OTUD7A: variants seen among roughly 807,000 people sequenced by gnomAD.
OTUD7A encodes OTU deubiquitinase 7A.
A neutral mutation model predicts 65.7 loss-of-function variants in OTUD7A; 12 were observed. That is an observed-to-expected ratio of 0.18 (90% CI 0.12 to 0.30). The LOEUF is 0.30. OTUD7A is among the 10% of genes least tolerant of loss of function. The pLI is 1.00. For missense variants in OTUD7A, 1,148 were observed against 1,304.8 expected (o/e 0.88, Z 1.85); for synonymous variants, 641 against 586.3 (o/e 1.09, Z -1.35).
intron 1 of OTUD7A, among the ~76,000 whole-genome samples, chr15:31,667,657 TGC>T (rs1312013656): frequency 3.9e-5 from 6 of 152,240 alleles, no homozygotes; most frequent in Non-Finnish European, 7.3e-5. Flanking sequence ...GAGGTACCAT[TGC>T]ATTCATTGTG....
intron 3 of OTUD7A, among the ~76,000 whole-genome samples, chr15:31,631,735 G>A (rs540145911): frequency 4.3e-4 from 65 of 152,258 alleles, no homozygotes; most frequent in African/African-American, 1.2e-3. Context: ...CCAATCAGAC[G>A]TAAATTTGGT....
At chr15:31,614,111 A>C (rs972285867) in intron 3 of OTUD7A, among the ~76,000 whole-genome samples, 2 of 152,184 alleles carry the variant, frequency 1.3e-5, no homozygotes, top group African/African-American at 2.4e-5. Context: ...GAGGACACAA[A>C]GGCATAGGAA....
At chr15:31,762,182 G>T (rs551478701) in intron 1 of OTUD7A, among the ~76,000 whole-genome samples, 1 of 152,332 alleles carries the variant, frequency 6.6e-6, no homozygotes, top group South Asian at 2.1e-4. Flanking sequence ...AAAACTAACA[G>T]TAAAATCAAT....
At position 31,481,856 on chromosome 15, in the gene OTUD7A, C is replaced by T. The variant is rs1189932929; in HGVS notation, c.*1438G>A. Reference sequence around the variant, plus strand: ...CGACCTCCTGCTTTTTCTGAGGATACACTCACAGCAAAGCCAGGCGCTTTC... The same window carrying T: ...CGACCTCCTGCTTTTTCTGAGGATATACTCACAGCAAAGCCAGGCGCTTTC... On this transcript the variant is annotated 3_prime_UTR_variant, in exon 13 of 13. Transcript: ENST00000307050. The T allele has an allele frequency of 2.0e-5, 3 of 152,174 alleles. No individual in the cohort carries two copies. The highest frequency in any genetic ancestry group is 4.8e-5 in the African/African-American group (2 of 41,402). The allele number at this position is 152,174 out of a possible 1,614,324, so 9.4% of individuals were successfully genotyped here.
chr15:31,485,058 G>C (rs1184712151), intron 12 of OTUD7A, among the ~76,000 whole-genome samples: 1 of 152,194 alleles, frequency 6.6e-6, no homozygotes, highest in Non-Finnish European at 1.5e-5. Context: ...GGGTATTGCA[G>C]CAGGGTGCAG....
At chr15:31,709,982 T>C (rs960899323) in intron 1 of OTUD7A, among the ~76,000 whole-genome samples, 11 of 150,458 alleles carry the variant, frequency 7.3e-5, no homozygotes, top group African/African-American at 2.7e-4. Flanking sequence ...CTATAAATAG[T>C]CATGTTTGTG....
At chr15:31,547,284 G>C (rs1305692020) in intron 5 of OTUD7A, among the ~76,000 whole-genome samples, 1 of 152,228 alleles carries the variant, frequency 6.6e-6, no homozygotes, top group East Asian at 1.9e-4. Context: ...GATGCTGACT[G>C]AGTCTATAAA....
intron 1 of OTUD7A, among the ~76,000 whole-genome samples, chr15:31,760,079 C>T (rs1894920621): frequency 6.6e-6 from 1 of 152,124 alleles, no homozygotes; most frequent in South Asian, 2.1e-4. Flanking sequence ...AAATTTCCAA[C>T]AAACTCTTTC....
At chr15:31,553,623 T>C (rs1332041571) in intron 5 of OTUD7A, among the ~76,000 whole-genome samples, 1 of 151,786 alleles carries the variant, frequency 6.6e-6, no homozygotes, top group Non-Finnish European at 1.5e-5. Flanking sequence ...CAACATTATC[T>C]ACCCCCATAT....
At chr15:31,833,636 G>A (rs1385723916) in intron 1 of OTUD7A, among the ~76,000 whole-genome samples, 1 of 152,182 alleles carries the variant, frequency 6.6e-6, no homozygotes, top group Non-Finnish European at 1.5e-5. Flanking sequence ...CCAATAAAAT[G>A]TATTTAAGTC....
intron 1 of OTUD7A, among the ~76,000 whole-genome samples, chr15:31,774,980 A>AAC (rs760263397): frequency 6.7e-6 from 1 of 149,724 alleles, no homozygotes; most frequent in Non-Finnish European, 1.5e-5. Context: ...AGATAGTTAA[A>AAC]AAAAAAAAGT....
At chr15:31,601,963 T>G (rs1192318523) in intron 3 of OTUD7A, among the ~76,000 whole-genome samples, 1 of 152,130 alleles carries the variant, frequency 6.6e-6, no homozygotes, top group Non-Finnish European at 1.5e-5. Flanking sequence ...CAGTAATTAA[T>G]AGCCTACCAA....
At chr15:31,686,869 T>C (rs1337351552) in intron 1 of OTUD7A, among the ~76,000 whole-genome samples, 1 of 151,908 alleles carries the variant, frequency 6.6e-6, no homozygotes, top group Non-Finnish European at 1.5e-5. Flanking sequence ...CTTTTAAGAG[T>C]TGTGGGGAAG....
At chr15:31,573,549 A>T (rs1889115735) in intron 3 of OTUD7A, among the ~76,000 whole-genome samples, 1 of 152,234 alleles carries the variant, frequency 6.6e-6, no homozygotes, top group Non-Finnish European at 1.5e-5. Flanking sequence ...TTTAGAAAGC[A>T]GAATAAATTT....
intron 8 of OTUD7A, among the ~76,000 whole-genome samples, chr15:31,518,388 G>C (rs1361091886): frequency 6.6e-6 from 1 of 151,990 alleles, no homozygotes; most frequent in Non-Finnish European, 1.5e-5. Flanking sequence ...CAGGATCATC[G>C]CTTGAACCCA....
intron 1 of OTUD7A, among the ~76,000 whole-genome samples, chr15:31,816,398 T>G (rs1174970879): frequency 3.9e-5 from 6 of 152,076 alleles, no homozygotes; most frequent in African/African-American, 1.4e-4. Flanking sequence ...CTTTAAAAAT[T>G]AGAATCACAT....
intron 1 of OTUD7A, among the ~76,000 whole-genome samples, chr15:31,801,416 T>C (rs1401960551): frequency 1.3e-5 from 2 of 152,240 alleles, no homozygotes; most frequent in African/African-American, 4.8e-5. Flanking sequence ...AACCCAGCCC[T>C]TCTGGTTTGC....
intron 1 of OTUD7A, among the ~76,000 whole-genome samples, chr15:31,718,593 C>T (rs1893654371): frequency 6.7e-6 from 1 of 149,782 alleles, no homozygotes; most frequent in South Asian, 2.2e-4. Context: ...CTTGTTTTTT[C>T]CTGAAGTGCT....
chr15:31,669,748 TC>T (rs376525283), intron 1 of OTUD7A, among the ~76,000 whole-genome samples: 1 of 151,978 alleles, frequency 6.6e-6, no homozygotes, highest in African/African-American at 2.4e-5. Context: ...TCCTCTGGCT[TC>T]CCTCCCAAAG....
Sources: allele counts gnomAD v4.1 joint callset (sites outside exome capture counted in the v4.1 genomes callset), GRCh38; gene constraint gnomAD v4.1.1; transcripts MANE v1.5; gene names NCBI Gene and HGNC (gene_info 2026-07-23, HGNC 2026-07-21).